The following SOS1 variants were observed in gnomAD, a reference collection of about 807,000 sequenced individuals.
SOS1 encodes SOS Ras/Rac guanine nucleotide exchange factor 1.
Under a neutral mutation model 157.6 loss-of-function variants are expected in SOS1, and 25 were observed. That is an observed-to-expected ratio of 0.16 (90% CI 0.12 to 0.22). The LOEUF is 0.22. Ranked by LOEUF, SOS1 falls within the 10% of genes least tolerant of loss-of-function variation. The pLI, the probability that SOS1 is intolerant of heterozygous loss-of-function variation, is 1.00. For missense variants in SOS1, 1,237 were observed against 1,599.1 expected, an observed-to-expected ratio of 0.77 and a Z score of 3.86; for synonymous variants, 528 against 534.0, an observed-to-expected ratio of 0.99 and a Z score of 0.16.
At chr2:39,123,219 C>G (rs1182309827), upstream of SOS1, among the ~76,000 whole-genome samples, 1 of 152,172 alleles carries the variant, frequency 6.6e-6, no homozygotes, top group Non-Finnish European at 1.5e-5. Context: ...CCAAGTAATT[C>G]TCACCTGTGT....
rs1365557970 is a variant in SOS1 at position 39,058,809 on chromosome 2, G to A, written c.214-5C>T. ...GAAACTTTTTTGAACACGTTCCTTG[G>A]AAAATAGGAAAATAACAACTAAGCA... On this transcript the variant is annotated splice_region_variant and splice_polypyrimidine_tract_variant and intron_variant, in intron 2 of 22. Coordinates refer to ENST00000402219, the MANE Select transcript of SOS1 (RefSeq NM_005633.4). The A allele has an allele frequency of 1.9e-6, 3 of 1,608,748 alleles. No individual in the cohort carries two copies. The African/African-American group carries it at 4.0e-5, about 22-fold the overall frequency.
At position 38,998,576 on chromosome 2, in the gene SOS1, CTTAA is replaced by C. The variant is rs551528046; in HGVS notation, c.2792-1155_2792-1152del. Among the ~76,000 whole-genome samples, 218 of 152,162 alleles carry C rather than the reference CTTAA, an allele frequency of 1.4e-3. 1 individual carries two copies. Among genetic ancestry groups the C allele is most frequent in the African/African-American group, 5.1e-3 (210 of 41,518 alleles). On this transcript the variant is annotated intron_variant, in intron 17 of 22. Coordinates refer to ENST00000402219, the MANE Select transcript of SOS1 (RefSeq NM_005633.4). ...TGTGTGTGTGATCTTGTGCAAATTG[CTTAA>C]TTAGTCTCTCTGTGCCTCAGTTTTT...
intron 6 of SOS1, among the ~76,000 whole-genome samples, chr2:39,048,786 T>C (rs1670889728): frequency 6.6e-6 from 1 of 152,236 alleles, no homozygotes; most frequent in African/African-American, 2.4e-5. Context: ...TCCTGAACGA[T>C]ATTTGGAATT....
intron 17 of SOS1, among the ~76,000 whole-genome samples, chr2:39,000,785 C>A (rs565264216): frequency 6.6e-5 from 10 of 152,316 alleles, no homozygotes; most frequent in Admixed American, 3.3e-4. Context: ...GCATGTAGCC[C>A]TGGGCATAAC....
At chr2:39,036,769 G>C (rs1670368409) in intron 6 of SOS1, among the ~76,000 whole-genome samples, 1 of 152,004 alleles carries the variant, frequency 6.6e-6, no homozygotes, top group Admixed American at 6.6e-5. Context: ...TAGAGACAGG[G>C]TTTCACCGTG....
intron 8 of SOS1, among the ~76,000 whole-genome samples, chr2:39,027,799 T>C (rs1670014122): frequency 6.6e-6 from 1 of 152,174 alleles, no homozygotes; most frequent in Non-Finnish European, 1.5e-5. Flanking sequence ...TATGAGATTG[T>C]ACTTAAACTC....
chr2:39,014,890 A>T (rs531420597), intron 10 of SOS1, 44 bp from the exon 11 acceptor site: 1 of 1,007,316 alleles, frequency 9.9e-7, no homozygotes, highest in South Asian at 1.3e-5. Flanking sequence ...TCTATGATTC[A>T]AAATGATTAA....
At chr2:39,091,343 G>A (rs1464711142) in intron 1 of SOS1, among the ~76,000 whole-genome samples, 1 of 152,160 alleles carries the variant, frequency 6.6e-6, no homozygotes, top group Non-Finnish European at 1.5e-5. Flanking sequence ...AGCAGCTCAA[G>A]TACTACACTA....
intron 19 of SOS1, among the ~76,000 whole-genome samples, chr2:38,996,336 C>T (rs139858455): frequency 8.3e-4 from 127 of 152,272 alleles, no homozygotes; most frequent in African/African-American, 2.5e-3. Flanking sequence ...ATGATCCACC[C>T]GCCTCAGCTT....
At position 39,006,446 on chromosome 2, in the gene SOS1, G is replaced by C. The variant is rs1669284945; in HGVS notation, c.2757C>G (p.Leu919=). 1 of 1,591,726 alleles carries C rather than the reference G, an allele frequency of 6.3e-7. No individual in the cohort carries two copies. The highest frequency in any genetic ancestry group is 8.6e-7 in the Non-Finnish European group (1 of 1,160,042). The change falls in exon 17 of 23, where the codon CTC becomes CTG. Residue 919 remains leucine (L), a synonymous_variant. Coordinates refer to ENST00000402219, the MANE Select transcript of SOS1 (RefSeq NM_005633.4). ...GCACACATGGTGGATTAATAGACCT[G>C]AGTTTTGCCAAATATTTCTTATAGT... The part of the protein sequence containing the change: ...EDHYKKYLAK[L]RSINPPCVPF...
chr2:39,106,169 G>A (rs1042046343), intron 1 of SOS1, among the ~76,000 whole-genome samples: 3 of 134,046 alleles, frequency 2.2e-5, no homozygotes, highest in African/African-American at 8.5e-5. Context: ...GCAGTGAGCT[G>A]AGACTGTGCT....
intron 1 of SOS1, among the ~76,000 whole-genome samples, chr2:39,111,412 ATGTT>A (rs1371538531): frequency 2.0e-5 from 3 of 152,212 alleles, no homozygotes; most frequent in Non-Finnish European, 4.4e-5. Context: ...TCATGACAAA[ATGTT>A]AGGGTAAAAA....
chr2:39,097,374 TGAACCA>T (rs1672808898), intron 1 of SOS1, among the ~76,000 whole-genome samples: 1 of 152,162 alleles, frequency 6.6e-6, no homozygotes, highest in African/African-American at 2.4e-5. Flanking sequence ...AAGCGGTCCA[TGAACCA>T]AAGCATCAAC....
chr2:39,101,465 T>G (rs1486181527), intron 1 of SOS1, among the ~76,000 whole-genome samples: 1 of 152,172 alleles, frequency 6.6e-6, no homozygotes, highest in Non-Finnish European at 1.5e-5. Context: ...AACAACTAGA[T>G]GATACAGAAA....
chr2:39,107,453 C>G (rs182741506), intron 1 of SOS1, among the ~76,000 whole-genome samples: 1 of 152,134 alleles, frequency 6.6e-6, no homozygotes, highest in African/African-American at 2.4e-5. Flanking sequence ...GACACTTTCA[C>G]TCAAAGTTCC....
chr2:39,043,734 C>G (rs1368600607), intron 6 of SOS1, among the ~76,000 whole-genome samples: 1 of 152,156 alleles, frequency 6.6e-6, no homozygotes, highest in Non-Finnish European at 1.5e-5. Flanking sequence ...GCTCAGGTCT[C>G]TTTCTCTTTT....
intron 8 of SOS1, among the ~76,000 whole-genome samples, chr2:39,029,601 G>A (rs1558477739): frequency 6.6e-6 from 1 of 152,078 alleles, no homozygotes; most frequent in Non-Finnish European, 1.5e-5. Flanking sequence ...TCCAGCCTGG[G>A]TGACAGAGTG....
Position 39,035,844 on chromosome 2 carries a change from T to A in SOS1, c.865-344A>T, listed in dbSNP as rs116259655. The stretch of plus-strand genomic sequence containing the variant: ...TTGACAACAACAAAGAATATAGATA[T>A]GTACAACTAGGTAAGGTATAAACAT... On this transcript the variant is annotated intron_variant, in intron 6 of 22. Transcript: ENST00000402219. Among the ~76,000 whole-genome samples, 1,291 of 152,258 alleles carry A rather than the reference T, an allele frequency of 8.5e-3. 10 individuals are homozygous for A. The highest frequency in any genetic ancestry group is 0.013 in the Admixed American group (196 of 15,294).
At chr2:39,055,026 C>T (rs1399130791) in intron 4 of SOS1, among the ~76,000 whole-genome samples, 2 of 152,160 alleles carry the variant, frequency 1.3e-5, no homozygotes, top group African/African-American at 2.4e-5. Context: ...TACTACACTC[C>T]TCCAAGTTCT....
Sources: allele counts gnomAD v4.1 joint callset (sites outside exome capture counted in the v4.1 genomes callset), GRCh38; gene constraint gnomAD v4.1.1; transcripts MANE v1.5; gene names NCBI Gene and HGNC (gene_info 2026-07-23, HGNC 2026-07-21).